The following NCAM1 variants were observed in gnomAD, a reference collection of about 807,000 sequenced individuals.
NCAM1 encodes neural cell adhesion molecule 1, also known as antigen recognized by monoclonal antibody 5.1H11.
A neutral mutation model predicts 109.8 loss-of-function variants in NCAM1; 14 were observed. The ratio of observed to expected loss-of-function variants is 0.13; its 90% confidence interval spans 0.08 to 0.20. The LOEUF is 0.20. Among genes scored for constraint, NCAM1 ranks in the 10% least tolerant of loss-of-function variants. The probability of loss-of-function intolerance (pLI) is 1.00; values close to 1 mark genes in which losing one functional copy is unlikely to be tolerated. For synonymous variants in NCAM1, 418 were observed against 442.9 expected, an observed-to-expected ratio of 0.94 and a Z score of 0.70; for missense variants, 774 against 1,109.9, an observed-to-expected ratio of 0.70 and a Z score of 4.30.
chr11:113,076,021 A>G (rs1347877089), intron 1 of NCAM1, among the ~76,000 whole-genome samples: 3 of 152,206 alleles, frequency 2.0e-5, no homozygotes, highest in African/African-American at 4.8e-5. Flanking sequence ...AAAACCATCA[A>G]TGTCTTCACC....
intron 1 of NCAM1, among the ~76,000 whole-genome samples, chr11:113,189,414 C>T (rs887494519): frequency 1.4e-5 from 2 of 141,670 alleles, no homozygotes; most frequent in Non-Finnish European, 3.0e-5. Flanking sequence ...CATGCCACTG[C>T]AGTCTGGCCT....
intron 1 of NCAM1, chr11:113,003,785 C>G (rs1217064177): frequency 6.6e-6 from 1 of 152,214 alleles, no homozygotes. Context: ...GCATCAGACT[C>G]TTTGAGATCT....
rs1352888436 is a variant in NCAM1 at position 113,223,978 on chromosome 11, A to G, written c.1089+2653A>G. ...GGTTCCAAGATGGCCGAATAAGAACAGCTCCAGTCCACAGCTCCCAGCATG... is the reference window on the plus strand; with the variant it reads ...GGTTCCAAGATGGCCGAATAAGAACGGCTCCAGTCCACAGCTCCCAGCATG... On this transcript the variant is annotated intron_variant, in intron 9 of 19. Coordinates refer to ENST00000316851, the MANE Select transcript of NCAM1 (RefSeq NM_181351.5). Among the ~76,000 whole-genome samples the G allele has an allele frequency of 2.6e-5, 4 of 152,232 alleles. No individual in the cohort carries two copies. The East Asian group carries it at 7.7e-4, about 29-fold the overall frequency.
At chr11:113,150,510 T>C (rs1052300220) in intron 1 of NCAM1, among the ~76,000 whole-genome samples, 19 of 152,210 alleles carry the variant, frequency 1.2e-4, no homozygotes, top group African/African-American at 4.1e-4. Context: ...TCCACAAGGC[T>C]TTATTAAGCA....
intron 9 of NCAM1, among the ~76,000 whole-genome samples, chr11:113,223,796 G>C (rs1944752825): frequency 6.6e-6 from 1 of 152,204 alleles, no homozygotes; most frequent in South Asian, 2.1e-4. Flanking sequence ...TCTGCCTGCA[G>C]TCCTGCTTTG....
chr11:113,052,667 A>G (rs1164652788), intron 1 of NCAM1, among the ~76,000 whole-genome samples: 1 of 152,218 alleles, frequency 6.6e-6, no homozygotes, highest in African/African-American at 2.4e-5. Context: ...AATTTTGTGA[A>G]GTTTAGATTT....
intron 3 of NCAM1, 49 bp downstream of exon 3, chr11:113,204,553 G>A (rs1228658501): frequency 6.4e-6 from 10 of 1,567,144 alleles, no homozygotes; most frequent in East Asian, 2.3e-5. Context: ...CCTTGCCAAG[G>A]AGACATGTGG....
At chr11:113,154,028 G>C (rs1942327922) in intron 1 of NCAM1, among the ~76,000 whole-genome samples, 1 of 152,248 alleles carries the variant, frequency 6.6e-6, no homozygotes, top group Non-Finnish European at 1.5e-5. Context: ...CATAGTCCAT[G>C]CTCTGAGTTG....
At chr11:113,226,509 T>C (rs1260195787) in intron 9 of NCAM1, among the ~76,000 whole-genome samples, 1 of 152,110 alleles carries the variant, frequency 6.6e-6, no homozygotes, top group Admixed American at 6.5e-5. Context: ...CTGTCAACAT[T>C]AGACAGATCC....
At chr11:113,221,155 C>T in intron 8 of NCAM1, 141 bp from the exon 9 acceptor site, 1 of 742,716 alleles carries the variant, frequency 1.3e-6, no homozygotes. Flanking sequence ...ATAAACACAC[C>T]ATTGAAAGTG....
chr11:113,240,931 A>C (rs902740000), intron 14 of NCAM1: 51 of 1,266,662 alleles, frequency 4.0e-5, no homozygotes, highest in Non-Finnish European at 5.6e-5. Context: ...GTGATAATTC[A>C]ACTCAGTTGG....
At chr11:113,177,377 C>CA (rs1399008690) in intron 1 of NCAM1, among the ~76,000 whole-genome samples, 10 of 151,378 alleles carry the variant, frequency 6.6e-5, no homozygotes, top group African/African-American at 1.5e-4. Context: ...TTGTTTTCGC[C>CA]AAAAAAAACC....
Position 113,070,561 on chromosome 11 carries a change from C to T in NCAM1, c.52+108897C>T, listed in dbSNP as rs532328738. On this transcript the variant is annotated intron_variant, in intron 1 of 19. Coordinates refer to ENST00000316851, the MANE Select transcript of NCAM1 (RefSeq NM_181351.5). ...AGATAGAGGAGAGAGAAATGATGGA[C>T]GGGATCGCAGAGGAAGACAGGAGGA... 2.6e-4 allele frequency among the ~76,000 whole-genome samples: 40 copies of T among 151,888 alleles called. 1 individual carries two copies. The highest frequency in any genetic ancestry group is 1.8e-3 in the Admixed American group (27 of 15,236).
At chr11:113,000,504 T>C (rs1432415752) in intron 1 of NCAM1, among the ~76,000 whole-genome samples, 4 of 152,054 alleles carry the variant, frequency 2.6e-5, no homozygotes, top group Non-Finnish European at 5.9e-5. Context: ...CATGATCAGG[T>C]GAGGACAGGA....
intron 1 of NCAM1, among the ~76,000 whole-genome samples, chr11:113,000,424 G>T (rs1555072183): frequency 6.6e-6 from 1 of 152,108 alleles, no homozygotes; most frequent in East Asian, 1.9e-4. Context: ...CACATAAAAA[G>T]CACAGTGAAT....
intron 14 of NCAM1, chr11:113,240,760 C>T (rs782738695): frequency 1.2e-6 from 2 of 1,609,954 alleles, no homozygotes; most frequent in Non-Finnish European, 1.7e-6. Context: ...GATCTTTTTT[C>T]CCCACCTTCA....
chr11:113,184,006 A>G (rs1354950629), intron 1 of NCAM1, among the ~76,000 whole-genome samples: 2 of 152,362 alleles, frequency 1.3e-5, no homozygotes, highest in African/African-American at 4.8e-5. Context: ...AGAAAGATCT[A>G]TCATTCCAAT....
At chr11:113,240,096 A>G (rs1224838695) in intron 14 of NCAM1, among the ~76,000 whole-genome samples, 1 of 152,204 alleles carries the variant, frequency 6.6e-6, no homozygotes, top group Non-Finnish European at 1.5e-5. Context: ...CATCATTTCT[A>G]TTCCCTGGAG....
intron 1 of NCAM1, among the ~76,000 whole-genome samples, chr11:113,032,130 G>T (rs1952739930): frequency 6.6e-6 from 1 of 152,106 alleles, no homozygotes; most frequent in African/African-American, 2.4e-5. Context: ...TTTTAGAGAT[G>T]AGGTCTCTCT....
Sources: gnomAD v4.1 joint callset for allele counts (sites outside exome capture counted in the v4.1 genomes callset) on GRCh38, gnomAD v4.1.1 for gene constraint, MANE v1.5 for transcripts, NCBI Gene and HGNC (gene_info 2026-07-23, HGNC 2026-07-21) for gene names.